Variants in MAN1C1 observed in about 807,000 individuals in gnomAD.
The protein encoded by MAN1C1 is mannosyl-oligosaccharide 1,2-alpha-mannosidase IC.
A neutral mutation model predicts 71.5 loss-of-function variants in MAN1C1; 49 were observed. That is an observed-to-expected ratio of 0.69 (90% CI 0.54 to 0.87). MAN1C1 has a LOEUF of 0.87. Ranked by LOEUF, MAN1C1 falls within the 40% of genes least tolerant of loss-of-function variation. The probability of loss-of-function intolerance (pLI) is 0.00; values close to 1 mark genes in which losing one functional copy is unlikely to be tolerated. For synonymous variants in MAN1C1, 352 were observed against 343.7 expected (o/e 1.02, Z -0.27); for missense variants, 743 against 835.0 (o/e 0.89, Z 1.36).
intron 2 of MAN1C1, among the ~76,000 whole-genome samples, chr1:25,733,702 A>C (rs1409650266): frequency 6.6e-6 from 1 of 152,238 alleles, no homozygotes; most frequent in African/African-American, 2.4e-5. Flanking sequence ...TGAATGAATG[A>C]ATCTTGAACA....
intron 2 of MAN1C1, among the ~76,000 whole-genome samples, chr1:25,699,748 AGCAGGGTCAGCCCT>A (rs1235455066): frequency 8.5e-5 from 13 of 152,228 alleles, no homozygotes; most frequent in African/African-American, 2.4e-4. Context: ...CCAGGCAGAC[AGCAGGGTCAGCCCT>A]GGAGACAGAG....
intron 1 of MAN1C1, among the ~76,000 whole-genome samples, chr1:25,621,736 TTCTCATGACTCAGCC>T (rs1446631772): frequency 6.6e-6 from 1 of 151,950 alleles, no homozygotes; most frequent in Non-Finnish European, 1.5e-5. Context: ...GTTCAAGCGA[TTCTCATGACTCAGCC>T]TCCCAAGTAA....
At chr1:25,780,100 C>G (rs1051010197) in intron 9 of MAN1C1, among the ~76,000 whole-genome samples, 6 of 152,198 alleles carry the variant, frequency 3.9e-5, no homozygotes, top group Admixed American at 2.6e-4. Context: ...GGGCAAATTA[C>G]TTAGCCTCTC....
chr1:25,672,414 C>G (rs1232649945), intron 1 of MAN1C1, among the ~76,000 whole-genome samples: 3 of 152,186 alleles, frequency 2.0e-5, no homozygotes, highest in African/African-American at 7.2e-5. Flanking sequence ...TCTGGGCATC[C>G]CTTAGTGCAG....
chr1:25,637,497 C>T lies in MAN1C1; in HGVS notation c.540+19160C>T, dbSNP rs554271690. 5.9e-5 allele frequency among the ~76,000 whole-genome samples: 9 copies of T among 152,160 alleles called. 1 individual carries two copies. In the South Asian group the frequency reaches 1.9e-3, roughly 32 times the overall value. On this transcript the variant is annotated intron_variant, in intron 1 of 11. Coordinates refer to ENST00000374332, the MANE Select transcript of MAN1C1 (RefSeq NM_020379.4). ...ATATGGTCTATATTGGCAAATGTTCCATGTACATTGAATTAAGAAATGTGT... is the reference window on the plus strand; with the variant it reads ...ATATGGTCTATATTGGCAAATGTTCTATGTACATTGAATTAAGAAATGTGT...
chr1:25,707,581 G>A (rs895294961), intron 2 of MAN1C1, among the ~76,000 whole-genome samples: 3 of 152,108 alleles, frequency 2.0e-5, no homozygotes, highest in African/African-American at 7.2e-5. Context: ...GAACAACTTC[G>A]CCTCTTCCTC....
intron 1 of MAN1C1, among the ~76,000 whole-genome samples, chr1:25,670,111 C>G (rs1289971637): frequency 6.6e-6 from 1 of 152,250 alleles, no homozygotes; most frequent in Non-Finnish European, 1.5e-5. Context: ...CTCCTGGAGC[C>G]TTTGTTCTTG....
intron 1 of MAN1C1, among the ~76,000 whole-genome samples, chr1:25,674,101 C>T (rs2046031496): frequency 6.6e-6 from 1 of 152,184 alleles, no homozygotes; most frequent in Admixed American, 6.5e-5. Flanking sequence ...GTTTGGTGGC[C>T]TTCTCTGTGC....
At chr1:25,727,828 A>G (rs778131626) in intron 2 of MAN1C1, among the ~76,000 whole-genome samples, 1 of 152,228 alleles carries the variant, frequency 6.6e-6, no homozygotes, top group Non-Finnish European at 1.5e-5. Flanking sequence ...GCCCAGCCAC[A>G]TCCAAAGGCA....
intron 7 of MAN1C1, among the ~76,000 whole-genome samples, chr1:25,767,353 C>CCAA (rs2047445868): frequency 8.0e-6 from 1 of 125,682 alleles, no homozygotes; most frequent in African/African-American, 3.2e-5. Context: ...GACCCACACA[C>CCAA]CACTACCCTC....
chr1:25,697,934 T>C (rs969357543), intron 2 of MAN1C1, among the ~76,000 whole-genome samples: 4 of 152,170 alleles, frequency 2.6e-5, no homozygotes, highest in African/African-American at 9.7e-5. Context: ...GAATGCTGCC[T>C]CTCTCATCAT....
chr1:25,746,819 G>T lies in MAN1C1; in HGVS notation c.753+36G>T. 1.4e-6 allele frequency: 1 copy of T among 725,078 alleles called. No homozygotes were observed. Among genetic ancestry groups the T allele is most frequent in the Admixed American group, 2.3e-5 (1 of 43,506 alleles). 44.9% of individuals were successfully genotyped at this position (725,078 alleles called of 1,614,324 possible). A position where few individuals can be genotyped will look rare whatever the true frequency, so the allele number is the denominator to read the frequency against. ...GGCCCTCGGCGGGGGAGGGGGGCGG[G>T]GGCCAGAAGAGGCCCAACAGCCAGC... On this transcript the variant is annotated intron_variant, in intron 3 of 11. Coordinates refer to ENST00000374332, the MANE Select transcript of MAN1C1 (RefSeq NM_020379.4). This position sits in a 1 kb window ranked among gnomAD's most constrained non-coding sequence, Gnocchi z 4.0.
intron 2 of MAN1C1, among the ~76,000 whole-genome samples, chr1:25,740,498 G>A (rs536181394): frequency 3.9e-4 from 60 of 152,192 alleles, no homozygotes; most frequent in African/African-American, 1.3e-3. Context: ...GTGCAGTGGC[G>A]CTATCTCGGC....
intron 2 of MAN1C1, among the ~76,000 whole-genome samples, chr1:25,696,374 C>T (rs890108737): frequency 6.6e-6 from 1 of 152,116 alleles, no homozygotes; most frequent in South Asian, 2.1e-4. Context: ...GTCAGACAGC[C>T]AGGATCGAAC....
intron 8 of MAN1C1, among the ~76,000 whole-genome samples, chr1:25,777,004 A>G (rs1158155560): frequency 6.6e-6 from 1 of 152,184 alleles, no homozygotes; most frequent in East Asian, 1.9e-4. Context: ...GAACTGGTGG[A>G]GATGAAATTT....
At position 25,646,591 on chromosome 1, in the gene MAN1C1, A is replaced by C. The variant is rs145877788; in HGVS notation, c.540+28254A>C. The stretch of plus-strand genomic sequence containing the variant: ...AAATGGAAAACCATACCCATTAGGC[A>C]GTCACTCCAGACCCACTACCCCCAG... On this transcript the variant is annotated intron_variant, in intron 1 of 11. Coordinates refer to ENST00000374332, the MANE Select transcript of MAN1C1 (RefSeq NM_020379.4). Among the ~76,000 whole-genome samples the C allele has an allele frequency of 6.2e-3, 952 of 152,322 alleles. 38 individuals carry two copies. The highest frequency in any genetic ancestry group is 0.057 in the Admixed American group (878 of 15,284).
chr1:25,765,931 G>C (rs1002452968), intron 7 of MAN1C1, among the ~76,000 whole-genome samples: 1 of 152,184 alleles, frequency 6.6e-6, no homozygotes, highest in Non-Finnish European at 1.5e-5. Flanking sequence ...AGAAAATGAA[G>C]CTTGAATTGC....
At chr1:25,673,237 G>A (rs767152292) in intron 1 of MAN1C1, among the ~76,000 whole-genome samples, 40 of 152,176 alleles carry the variant, frequency 2.6e-4, no homozygotes, top group Non-Finnish European at 4.4e-4. Flanking sequence ...GAGCACCTGC[G>A]AACACTTAGT....
chr1:25,759,876 G>T (rs769290674), intron 6 of MAN1C1: 2 of 152,154 alleles, frequency 1.3e-5, no homozygotes, highest in Non-Finnish European at 2.9e-5. Flanking sequence ...CCCTTAAACA[G>T]TCCGTCCTCC....
Sources: gnomAD v4.1 joint callset for allele counts (sites outside exome capture counted in the v4.1 genomes callset) on GRCh38, gnomAD v4.1.1 for gene constraint, Gnocchi (gnomAD v3.1) non-coding constraint, MANE v1.5 for transcripts, NCBI Gene and HGNC (gene_info 2026-07-23, HGNC 2026-07-21) for gene names.